The following PCSK2 variants were observed in gnomAD, a reference collection of about 807,000 sequenced individuals.
PCSK2 encodes the protein proprotein convertase subtilisin/kexin type 2.
In PCSK2, 14 loss-of-function variants were observed where a neutral mutation model predicts 69.7. That is an observed-to-expected ratio of 0.20 (90% CI 0.13 to 0.31). The LOEUF is 0.31. Among genes scored for constraint, PCSK2 ranks in the 10% least tolerant of loss-of-function variants. PCSK2 has a pLI of 1.00. For missense variants in PCSK2, 544 were observed against 842.5 expected (o/e 0.65, Z 4.39); for synonymous variants, 307 against 320.7 (o/e 0.96, Z 0.46).
At chr20:17,288,311 GA>G (rs1988587522) in intron 2 of PCSK2, among the ~76,000 whole-genome samples, 1 of 152,196 alleles carries the variant, frequency 6.6e-6, no homozygotes, top group South Asian at 2.1e-4. Flanking sequence ...TCAAGAAGGG[GA>G]GAGGCCAGGG....
At chr20:17,386,813 G>A (rs1020042951) in intron 5 of PCSK2, among the ~76,000 whole-genome samples, 2 of 152,064 alleles carry the variant, frequency 1.3e-5, no homozygotes, top group Admixed American at 6.6e-5. Flanking sequence ...TGAATACATC[G>A]TTTTTTAAAT....
At chr20:17,259,294 A>G (rs1987289512) in intron 1 of PCSK2, among the ~76,000 whole-genome samples, 1 of 152,238 alleles carries the variant, frequency 6.6e-6, no homozygotes, top group African/African-American at 2.4e-5. Context: ...TTATTTGTCT[A>G]TAATTTGTAA....
chr20:17,230,757 A>G (rs1040147617), intron 1 of PCSK2, among the ~76,000 whole-genome samples: 3 of 152,214 alleles, frequency 2.0e-5, no homozygotes, highest in Non-Finnish European at 2.9e-5. Flanking sequence ...GGTGGCCTGT[A>G]TATGAATATT....
rs375983990 is a variant in PCSK2 at position 17,481,842 on chromosome 20, C to A, written c.1689C>A (p.Asp563Glu). The A allele has an allele frequency of 1.5e-5, 24 of 1,614,002 alleles. No individual in the cohort carries two copies. The highest frequency in any genetic ancestry group is 2.0e-5 in the Non-Finnish European group (24 of 1,180,024). Residue 563 changes from aspartate to glutamate, a missense_variant, in exon 12 of 12, where the codon GAC becomes GAA. Physicochemically the swap from Asp to Glu is conservative, Grantham distance 45. Coordinates refer to ENST00000262545, the MANE Select transcript of PCSK2 (RefSeq NM_002594.5). ...TGACCACTCACACGTGGGGGGAAGA[C>A]GCCCGAGGCACCTGGACCCTGGAGC... ...PFMTTHTWGE[D>E]ARGTWTLELG...
At position 17,465,329 on chromosome 20, in the gene PCSK2, G is replaced by C; in HGVS notation, c.1206G>C (p.Leu402=). The change falls in exon 11 of 12, where the codon CTG becomes CTC. Residue 402 remains leucine, a synonymous_variant. Transcript: ENST00000262545. The part of the protein sequence containing the change: ...GVFALALEAN[L]GLTWRDMQHL... ...GCTCTCTGCTTCCTGTATCCAGCCT[G>C]GGTCTGACCTGGCGGGACATGCAGC... The C allele has an allele frequency of 6.2e-7, 1 of 1,613,512 alleles. No individual in the cohort carries two copies.
At chr20:17,458,510 A>G (rs1161282799) in intron 10 of PCSK2, among the ~76,000 whole-genome samples, 2 of 152,196 alleles carry the variant, frequency 1.3e-5, no homozygotes, top group East Asian at 1.9e-4. Context: ...AAGCGGCTCC[A>G]ATAGCCAAAA....
chr20:17,465,252 A>T, intron 10 of PCSK2, 74 bp from the exon 11 acceptor site: 1 of 990,078 alleles, frequency 1.0e-6, no homozygotes, highest in Non-Finnish European at 1.6e-6. Flanking sequence ...TATTTCTCTT[A>T]ATCATTGTGC....
At chr20:17,308,226 A>T (rs1435211961) in intron 2 of PCSK2, among the ~76,000 whole-genome samples, 1 of 151,998 alleles carries the variant, frequency 6.6e-6, no homozygotes, top group Non-Finnish European at 1.5e-5. Context: ...TGGGAAACCC[A>T]CTCCCCTGAC....
At chr20:17,465,173 A>G (rs1342273611) in intron 10 of PCSK2, 153 bp from the exon 11 acceptor site, 1 of 697,714 alleles carries the variant, frequency 1.4e-6, no homozygotes, top group African/African-American at 1.7e-5. Context: ...TGGTGCATGG[A>G]CACCCTCCCT....
chr20:17,358,873 C>T (rs1418562329), intron 3 of PCSK2, among the ~76,000 whole-genome samples: 5 of 152,196 alleles, frequency 3.3e-5, no homozygotes, highest in Admixed American at 2.6e-4. Context: ...AGCAAGAAAG[C>T]TTGGAGACTA....
At chr20:17,263,236 A>T (rs1987462304) in intron 2 of PCSK2, 1 of 535,894 alleles carries the variant, frequency 1.9e-6, no homozygotes, top group African/African-American at 2.1e-5. Flanking sequence ...TTTTTATGCT[A>T]AAAGGAAAAC....
At chr20:17,355,788 C>T (rs1316803217) in intron 2 of PCSK2, among the ~76,000 whole-genome samples, 1 of 152,182 alleles carries the variant, frequency 6.6e-6, no homozygotes, top group Non-Finnish European at 1.5e-5. Flanking sequence ...CAAGGCCACA[C>T]TCCCCCCAGT....
chr20:17,481,647 A>C lies in PCSK2; in HGVS notation c.1494A>C (p.Glu498Asp). The C allele has an allele frequency of 1.2e-6, 2 of 1,614,094 alleles. No individual in the cohort carries two copies. Among genetic ancestry groups the C allele is most frequent in the Non-Finnish European group, 1.7e-6 (2 of 1,180,022 alleles). The change falls in exon 12 of 12, where the codon GAA (glutamate) becomes GAC (aspartate). Residue 498 changes from glutamate (E) to aspartate (D), a missense_variant. Around this residue, in one of 3 missense-constraint regions of PCSK2, gnomAD observed 200 missense variants for 287.8 expected, o/e 0.69. Coordinates refer to ENST00000262545, the MANE Select transcript of PCSK2 (RefSeq NM_002594.5). ...CAACCGACGCCTGTGAGGGGAAGGA[A>C]AATTTTGTCCGCTACCTGGAGCATG... Reference protein sequence around the residue: ...TLTTDACEGKENFVRYLEHVQ... With the variant: ...TLTTDACEGKDNFVRYLEHVQ...
At chr20:17,344,657 G>GA (rs1990599058) in intron 2 of PCSK2, among the ~76,000 whole-genome samples, 1 of 149,220 alleles carries the variant, frequency 6.7e-6, no homozygotes, top group South Asian at 2.1e-4. Context: ...GTTCCCCATT[G>GA]AAAACCTACA....
At chr20:17,422,692 G>C (rs774721764) in intron 6 of PCSK2, among the ~76,000 whole-genome samples, 5 of 152,094 alleles carry the variant, frequency 3.3e-5, no homozygotes. Flanking sequence ...AGCAACAACA[G>C]AACAACAGCA....
At chr20:17,289,036 C>T (rs912051121) in intron 2 of PCSK2, among the ~76,000 whole-genome samples, 1 of 152,184 alleles carries the variant, frequency 6.6e-6, no homozygotes, top group Admixed American at 6.5e-5. Context: ...CTGGAAACCA[C>T]CTTGTGCCTA....
intron 7 of PCSK2, among the ~76,000 whole-genome samples, chr20:17,436,328 T>A (rs1285628290): frequency 6.6e-6 from 1 of 152,158 alleles, no homozygotes; most frequent in Non-Finnish European, 1.5e-5. Flanking sequence ...ATCTATCATA[T>A]GTAGTAGCTT....
chr20:17,252,995 T>A (rs1381341377), intron 1 of PCSK2, among the ~76,000 whole-genome samples: 1 of 152,222 alleles, frequency 6.6e-6, no homozygotes, highest in Non-Finnish European at 1.5e-5. Flanking sequence ...GGAAAAAGGA[T>A]ATTTTTATTC....
intron 2 of PCSK2, among the ~76,000 whole-genome samples, chr20:17,275,315 G>A (rs941980950): frequency 3.3e-5 from 5 of 151,974 alleles, no homozygotes; most frequent in African/African-American, 7.2e-5. Context: ...CGTAGTGAGA[G>A]GAGAATCAAA....
Sources: allele counts gnomAD v4.1 joint callset (sites outside exome capture counted in the v4.1 genomes callset), GRCh38; gene constraint gnomAD v4.1.1; regional missense constraint gnomAD v4.1.1; transcripts MANE v1.5; gene names NCBI Gene and HGNC (gene_info 2026-07-23, HGNC 2026-07-21).